SPOCK3: variants seen among roughly 807,000 people sequenced by gnomAD.
The protein encoded by SPOCK3 is testican-3.
In SPOCK3, 30 loss-of-function variants were observed where a neutral mutation model predicts 56.6. The observed-to-expected ratio is 0.53, with a 90% CI of 0.40 to 0.72. SPOCK3 has a LOEUF of 0.72. SPOCK3 is among the 30% of genes least tolerant of loss of function. The pLI is 0.00. For synonymous variants in SPOCK3, 196 were observed against 183.3 expected (o/e 1.07, Z -0.56); for missense variants, 527 against 530.0 (o/e 0.99, Z 0.06).
intron 2 of SPOCK3, among the ~76,000 whole-genome samples, chr4:167,223,502 T>C (rs1736277023): frequency 6.6e-6 from 1 of 151,778 alleles, no homozygotes; most frequent in Non-Finnish European, 1.5e-5. Flanking sequence ...GCATTACTCT[T>C]CTGTGTTTAA....
chr4:167,008,037 G>A (rs1749636687), intron 3 of SPOCK3, among the ~76,000 whole-genome samples: 1 of 151,956 alleles, frequency 6.6e-6, no homozygotes, highest in African/African-American at 2.4e-5. Flanking sequence ...ATGTGCATAA[G>A]GTTCATGCAA....
intron 2 of SPOCK3, among the ~76,000 whole-genome samples, chr4:167,176,782 C>T (rs139851073): frequency 1.3e-5 from 2 of 152,138 alleles, no homozygotes; most frequent in East Asian, 3.9e-4. Context: ...TCAGCATTTG[C>T]AAGCATGTAG....
intron 4 of SPOCK3, among the ~76,000 whole-genome samples, chr4:166,986,337 A>C (rs138504916): frequency 6.6e-6 from 1 of 152,216 alleles, no homozygotes; most frequent in Admixed American, 6.5e-5. Context: ...ACTTTATAAA[A>C]AGTCTCTTTC....
At chr4:167,154,301 T>G (rs1580454206) in intron 2 of SPOCK3, among the ~76,000 whole-genome samples, 1 of 152,052 alleles carries the variant, frequency 6.6e-6, no homozygotes, top group Non-Finnish European at 1.5e-5. Context: ...TCTCCAAAAT[T>G]CCCAGAAAAG....
At chr4:166,820,113 G>A (rs181202140) in intron 6 of SPOCK3, among the ~76,000 whole-genome samples, 3 of 151,970 alleles carry the variant, frequency 2.0e-5, no homozygotes, top group Non-Finnish European at 2.9e-5. Flanking sequence ...AGTCTTTTTC[G>A]GAAACAAGCA....
intron 4 of SPOCK3, among the ~76,000 whole-genome samples, chr4:166,937,832 C>T (rs1349450540): frequency 2.7e-5 from 4 of 148,318 alleles, no homozygotes; most frequent in Non-Finnish European, 5.9e-5. Flanking sequence ...GGGGCGATCT[C>T]GGCTCACTGA....
intron 6 of SPOCK3, among the ~76,000 whole-genome samples, chr4:166,852,476 A>G (rs1362147615): frequency 6.6e-6 from 1 of 152,060 alleles, no homozygotes; most frequent in Non-Finnish European, 1.5e-5. Context: ...AGTTAAACAG[A>G]AACGAACCCT....
intron 2 of SPOCK3, among the ~76,000 whole-genome samples, chr4:167,193,761 T>C (rs1245404224): frequency 6.8e-6 from 1 of 146,066 alleles, no homozygotes. Flanking sequence ...AGTTCTCTTA[T>C]AGGTGACAAA....
chr4:167,205,510 A>ATT (rs1734161308), intron 2 of SPOCK3, among the ~76,000 whole-genome samples: 6 of 56,920 alleles, frequency 1.1e-4, no homozygotes, highest in South Asian at 4.1e-4. Context: ...TATATTATAT[A>ATT]ATATATATTA....
chr4:166,947,046 T>TA (rs1741848519), intron 4 of SPOCK3, among the ~76,000 whole-genome samples: 1 of 152,182 alleles, frequency 6.6e-6, no homozygotes, highest in South Asian at 2.1e-4. Context: ...TTTTACCTGA[T>TA]ACCCTCCCAT....
intron 2 of SPOCK3, among the ~76,000 whole-genome samples, chr4:167,192,909 C>T (rs1277642611): frequency 1.4e-5 from 2 of 145,494 alleles, no homozygotes. Context: ...GTGCATTTCC[C>T]AATGTTCTGT....
intron 4 of SPOCK3, among the ~76,000 whole-genome samples, chr4:166,981,657 G>A (rs1313722801): frequency 2.6e-5 from 4 of 152,182 alleles, no homozygotes; most frequent in Non-Finnish European, 5.9e-5. Flanking sequence ...ACTTCATTCA[G>A]AACTATTCAT....
intron 2 of SPOCK3, among the ~76,000 whole-genome samples, chr4:167,190,419 G>GA (rs887024012): frequency 4.8e-5 from 7 of 145,542 alleles, no homozygotes; most frequent in Non-Finnish European, 9.0e-5. Context: ...ATCTTCTTTG[G>GA]AAAAAAAGTC....
At chr4:167,014,931 A>G (rs1318653732) in intron 3 of SPOCK3, among the ~76,000 whole-genome samples, 1 of 151,992 alleles carries the variant, frequency 6.6e-6, no homozygotes, top group Non-Finnish European at 1.5e-5. Flanking sequence ...TTATACCTCA[A>G]TGGAAAAGAA....
chr4:166,827,851 A>C (rs1192284086), intron 6 of SPOCK3, among the ~76,000 whole-genome samples: 1 of 151,356 alleles, frequency 6.6e-6, no homozygotes, highest in African/African-American at 2.4e-5. Context: ...AAAAAAAAAA[A>C]CTGTATGACT....
At chr4:166,968,251 G>GA (rs1561067024) in intron 4 of SPOCK3, among the ~76,000 whole-genome samples, 1 of 152,186 alleles carries the variant, frequency 6.6e-6, no homozygotes. Context: ...TGGTAGAAAA[G>GA]AAAAACTCAT....
intron 4 of SPOCK3, among the ~76,000 whole-genome samples, chr4:166,975,403 G>A (rs1402036752): frequency 2.0e-5 from 3 of 151,978 alleles, no homozygotes; most frequent in African/African-American, 7.3e-5. Flanking sequence ...ATAAATTTAT[G>A]GGGGTACATG....
chr4:167,158,751 T>C (rs926770059), intron 2 of SPOCK3, among the ~76,000 whole-genome samples: 1 of 152,012 alleles, frequency 6.6e-6, no homozygotes, highest in African/African-American at 2.4e-5. Context: ...AATCCACACA[T>C]ATTATCTAAA....
intron 2 of SPOCK3, among the ~76,000 whole-genome samples, chr4:167,162,678 A>G (rs1765418569): frequency 6.6e-6 from 1 of 152,062 alleles, no homozygotes; most frequent in Non-Finnish European, 1.5e-5. Flanking sequence ...CAGCTGGGAT[A>G]TAATTATGGC....
Sources: allele counts gnomAD v4.1 joint callset (sites outside exome capture counted in the v4.1 genomes callset), GRCh38; gene constraint gnomAD v4.1.1; transcripts MANE v1.5; gene names NCBI Gene and HGNC (gene_info 2026-07-23, HGNC 2026-07-21).